TASP1: variants seen among roughly 807,000 people sequenced by gnomAD.
TASP1 encodes the protein taspase 1.
TASP1 carries 16 observed loss-of-function variants against 56.6 expected under a neutral mutation model. The observed-to-expected ratio is 0.28, with a 90% CI of 0.19 to 0.43. TASP1 has a LOEUF of 0.43. Among genes scored for constraint, TASP1 ranks in the 20% least tolerant of loss-of-function variants. The pLI, the probability that TASP1 is intolerant of heterozygous loss-of-function variation, is 1.00. For missense variants in TASP1, 393 were observed against 511.6 expected (o/e 0.77, Z 2.24); for synonymous variants, 179 against 184.2 (o/e 0.97, Z 0.23).
At chr20:13,392,569 A>G in intron 13 of TASP1, 3 of 297,696 alleles carry the variant, frequency 1.0e-5, no homozygotes, top group South Asian at 1.0e-4. Context: ...TGACTGAAAT[A>G]GACCATTCTA....
At chr20:13,346,829 G>A in the TASP1 span, among the ~76,000 whole-genome samples, 108 of 152,312 alleles carry the variant, frequency 7.1e-4, no homozygotes, top group Middle Eastern at 0.01. Context: ...CCCCTTTCCA[G>A]GAGGGCATTT....
At chr20:13,466,348 C>T (rs1405734226) in intron 11 of TASP1, among the ~76,000 whole-genome samples, 2 of 152,068 alleles carry the variant, frequency 1.3e-5, no homozygotes, top group Admixed American at 6.6e-5. Flanking sequence ...AAGACTTGCA[C>T]GCCTTTATTT....
At chr20:13,559,277 A>C (rs2046264212) in intron 7 of TASP1, among the ~76,000 whole-genome samples, 163 bp from the exon 8 acceptor site, 1 of 152,166 alleles carries the variant, frequency 6.6e-6, no homozygotes, top group Non-Finnish European at 1.5e-5. Flanking sequence ...GTAGGAGAAT[A>C]AGAGAAATAA....
the TASP1 span, among the ~76,000 whole-genome samples, chr20:13,174,796 T>C: frequency 0.02 from 2,985 of 152,250 alleles, 55 homozygotes; most frequent in South Asian, 0.031. Flanking sequence ...ACAGGTCTCT[T>C]TGATATGGTT....
intron 10 of TASP1, among the ~76,000 whole-genome samples, chr20:13,511,587 G>A (rs2146720151): frequency 6.6e-6 from 1 of 152,000 alleles, no homozygotes; most frequent in South Asian, 2.1e-4. Flanking sequence ...ATGAATACCT[G>A]AAGTTCCGGG....
chr20:13,440,131 C>G (rs2043164269), intron 11 of TASP1, among the ~76,000 whole-genome samples: 1 of 152,136 alleles, frequency 6.6e-6, no homozygotes, highest in Non-Finnish European at 1.5e-5. Flanking sequence ...GATGATGAGG[C>G]ACTATCTTCA....
rs146597003 is a variant in TASP1 at position 13,435,117 on chromosome 20, G to A, written c.1023C>T (p.Gly341=). 4.5e-4 allele frequency: 727 copies of A among 1,608,552 alleles called. 1 individual carries two copies. Among genetic ancestry groups the A allele is most frequent in the Non-Finnish European group, 5.6e-4 (660 of 1,177,392 alleles). ...TGCATGAACGGAGGACAATCACTCC[G>A]CCAAGCACGCCATCTTCACTGGCAA... ...PFLASEDGVL[G]GVIVLRSCRC... The change falls in exon 12 of 14, where the codon GGC becomes GGT. Residue 341 remains glycine (G), a synonymous_variant. Coordinates refer to ENST00000337743, the MANE Select transcript of TASP1 (RefSeq NM_017714.3).
downstream of TASP1, among the ~76,000 whole-genome samples, chr20:13,386,286 CA>C (rs1176399072): frequency 1.3e-5 from 2 of 151,924 alleles, no homozygotes; most frequent in Admixed American, 1.3e-4. Context: ...TTTGGGAGTT[CA>C]ATATAGCACC....
intron 10 of TASP1, among the ~76,000 whole-genome samples, chr20:13,523,957 C>T (rs1284758642): frequency 3.3e-5 from 5 of 151,764 alleles, no homozygotes; most frequent in East Asian, 1.9e-4. Context: ...AAGACCAGCC[C>T]GGGCAACACA....
chr20:13,637,618 A>T (rs990446022), intron 1 of TASP1, among the ~76,000 whole-genome samples: 3 of 152,248 alleles, frequency 2.0e-5, no homozygotes, highest in African/African-American at 7.2e-5. Flanking sequence ...ACTAACTGAA[A>T]GACACCAGAC....
At chr20:13,621,924 G>C (rs762668949) in intron 4 of TASP1, among the ~76,000 whole-genome samples, 17 of 152,172 alleles carry the variant, frequency 1.1e-4, no homozygotes, top group Non-Finnish European at 2.2e-4. Flanking sequence ...AATTGAACTA[G>C]TTAAGTTAGA....
chr20:13,480,180 G>A (rs971762972), intron 11 of TASP1, among the ~76,000 whole-genome samples: 31 of 152,234 alleles, frequency 2.0e-4, no homozygotes, highest in African/African-American at 7.2e-4. Context: ...ATAGACAGTA[G>A]CATGGCAAAA....
At chr20:13,386,228 T>C (rs138407351), downstream of TASP1, among the ~76,000 whole-genome samples, 1 of 152,320 alleles carries the variant, frequency 6.6e-6, no homozygotes, top group East Asian at 1.9e-4. Flanking sequence ...GGTCTGGTCA[T>C]CTTTTTGTGA....
the TASP1 span, among the ~76,000 whole-genome samples, chr20:13,263,726 T>G: frequency 1.3e-5 from 2 of 152,338 alleles, no homozygotes; most frequent in East Asian, 3.9e-4. Flanking sequence ...TGTGCCTGGG[T>G]GCAGTATGGC....
At chr20:13,153,571 G>A in the TASP1 span, among the ~76,000 whole-genome samples, 2 of 152,042 alleles carry the variant, frequency 1.3e-5, no homozygotes, top group Admixed American at 6.6e-5. Context: ...ACAATTTAAT[G>A]AGCCAATTCA....
chr20:13,614,761 T>C (rs57859541), intron 4 of TASP1: 103 of 467,178 alleles, frequency 2.2e-4, no homozygotes, highest in African/African-American at 1.9e-3. Context: ...AATATTGGCT[T>C]CAATAAACTT....
chr20:13,513,301 C>G (rs6042188), intron 10 of TASP1, among the ~76,000 whole-genome samples: 92,487 of 151,734 alleles, frequency 0.61, 28,891 homozygotes, highest in Non-Finnish European at 0.68. Flanking sequence ...CCTAGGCTTT[C>G]TGGAGAAAAA....
At chr20:13,341,114 A>G in the TASP1 span, among the ~76,000 whole-genome samples, 5 of 152,212 alleles carry the variant, frequency 3.3e-5, no homozygotes, top group African/African-American at 1.2e-4. Context: ...AACCACATTG[A>G]GAGCAAAATT....
At chr20:13,220,547 G>A in the TASP1 span, among the ~76,000 whole-genome samples, 14 of 152,318 alleles carry the variant, frequency 9.2e-5, no homozygotes, top group South Asian at 2.9e-3. Context: ...GATTCACTCC[G>A]AGTTCCTGAG....
Sources: gnomAD v4.1 joint callset for allele counts (sites outside exome capture counted in the v4.1 genomes callset) on GRCh38, gnomAD v4.1.1 for gene constraint, MANE v1.5 for transcripts, NCBI Gene and HGNC (gene_info 2026-07-23, HGNC 2026-07-21) for gene names.